The following PTCHD4 variants were observed in gnomAD, a reference collection of about 807,000 sequenced individuals.
PTCHD4 encodes patched domain containing 4.
Under a neutral mutation model 58.1 loss-of-function variants are expected in PTCHD4, and 33 were observed. The ratio of observed to expected loss-of-function variants is 0.57; its 90% CI spans 0.43 to 0.76. The LOEUF (loss-of-function observed/expected upper bound fraction) is 0.76, where lower values mean the gene tolerates loss of function less well. Among genes scored for constraint, PTCHD4 ranks in the 30% least tolerant of loss-of-function variants. PTCHD4 has a pLI of 0.00. For missense variants in PTCHD4, 1,058 were observed against 1,027.1 expected (o/e 1.03, Z -0.41); for synonymous variants, 478 against 409.6 (o/e 1.17, Z -2.02).
At chr6:47,919,029 G>A (rs561627209) in intron 4 of PTCHD4, among the ~76,000 whole-genome samples, 1 of 152,248 alleles carries the variant, frequency 6.6e-6, no homozygotes, top group Non-Finnish European at 1.5e-5. Flanking sequence ...AGGTTGAAGA[G>A]ATCTGGGAGT....
chr6:47,914,891 T>G (rs1765196863), intron 4 of PTCHD4, among the ~76,000 whole-genome samples: 1 of 151,982 alleles, frequency 6.6e-6, no homozygotes, highest in African/African-American at 2.4e-5. Flanking sequence ...GTGAGTACTG[T>G]GTAAATCAGT....
intron 4 of PTCHD4, chr6:47,901,046 C>T (rs1250934196): frequency 6.7e-6 from 1 of 150,142 alleles, no homozygotes; most frequent in Non-Finnish European, 1.5e-5. Context: ...CCCAGCTACT[C>T]GGGAGGCTGA....
In PTCHD4 at chr6:47,938,781, A is replaced by C. The variant is rs1044599580; in HGVS notation, c.899-58845T>G. On this transcript the variant is annotated intron_variant, in intron 4 of 4. Transcript: ENST00000339488. ...TAACTATAATTTTAGTTTTATTTGGAAATGTCAGGAAAATGAGAGAGGGTC... is the reference window on the plus strand; with the variant it reads ...TAACTATAATTTTAGTTTTATTTGGCAATGTCAGGAAAATGAGAGAGGGTC... Among the ~76,000 whole-genome samples the C allele has an allele frequency of 5.3e-5, 8 of 152,308 alleles. No individual in the cohort carries two copies. The South Asian group carries it at 1.7e-3, about 32-fold the overall frequency.
intron 4 of PTCHD4, among the ~76,000 whole-genome samples, chr6:47,916,582 C>A (rs944579332): frequency 3.3e-5 from 5 of 152,032 alleles, no homozygotes; most frequent in South Asian, 2.1e-4. Context: ...CAGAAGTAGG[C>A]AGCCTTGAAC....
chr6:47,904,344 G>A (rs1399650460), intron 4 of PTCHD4, among the ~76,000 whole-genome samples: 1 of 152,186 alleles, frequency 6.6e-6, no homozygotes, highest in African/African-American at 2.4e-5. Context: ...AGAGCCTGTG[G>A]GCCTAAACCA....
chr6:47,996,092 G>A (rs993430446), intron 4 of PTCHD4, among the ~76,000 whole-genome samples: 11 of 152,008 alleles, frequency 7.2e-5, no homozygotes, highest in South Asian at 4.2e-4. Context: ...TATTTTTTTC[G>A]TTCATAGTAA....
chr6:47,986,524 G>T lies in PTCHD4; in HGVS notation c.898+22110C>A, dbSNP rs1030768599. ...TTCCCTATTGTCAGGACAATATGTT[G>T]GTAGCCTGCCTCCTGAGGTATTAGT... On this transcript the variant is annotated intron_variant, in intron 4 of 4. Coordinates refer to ENST00000339488, the MANE Select transcript of PTCHD4 (RefSeq NM_001384253.1). 3.0e-4 allele frequency among the ~76,000 whole-genome samples: 46 copies of T among 151,996 alleles called. 2 individuals are homozygous for T. The highest frequency in any genetic ancestry group is 4.4e-5 in the Non-Finnish European group (3 of 67,992).
chr6:48,032,446 G>C (rs1763481189), intron 3 of PTCHD4, among the ~76,000 whole-genome samples: 1 of 151,106 alleles, frequency 6.6e-6, no homozygotes, highest in Non-Finnish European at 1.5e-5. Context: ...GCGTGTGTAT[G>C]TGTGTGTGTG....
intron 4 of PTCHD4, among the ~76,000 whole-genome samples, chr6:47,918,499 T>C (rs1765330459): frequency 6.6e-6 from 1 of 151,754 alleles, no homozygotes; most frequent in Non-Finnish European, 1.5e-5. Context: ...CCATTTTCGT[T>C]AAGGTATTCT....
chr6:48,071,321 T>C (rs943470384), intron 1 of PTCHD4, among the ~76,000 whole-genome samples: 4 of 152,200 alleles, frequency 2.6e-5, no homozygotes, highest in Non-Finnish European at 5.9e-5. Flanking sequence ...GATGAACCAC[T>C]CTGACATAAA....
chr6:47,898,402 C>T (rs531970757), intron 4 of PTCHD4, among the ~76,000 whole-genome samples: 2 of 152,208 alleles, frequency 1.3e-5, no homozygotes, highest in South Asian at 4.2e-4. Context: ...TTATTAGACC[C>T]GATCCTGTGC....
chr6:47,929,039 G>A (rs539611785), intron 4 of PTCHD4, among the ~76,000 whole-genome samples: 3 of 148,304 alleles, frequency 2.0e-5, no homozygotes, highest in Non-Finnish European at 4.5e-5. Flanking sequence ...GTTCTAAATA[G>A]AGCTGCATTA....
chr6:48,073,073 C>T (rs1329786027), intron 1 of PTCHD4, among the ~76,000 whole-genome samples: 2 of 152,098 alleles, frequency 1.3e-5, no homozygotes, highest in Non-Finnish European at 2.9e-5. Context: ...TTAATTTTCA[C>T]TAAAACATCA....
Position 47,867,390 on chromosome 6 carries a change from T to G in PTCHD4, c.*10913A>C, listed in dbSNP as rs1197577590. On this transcript the variant is annotated 3_prime_UTR_variant, in exon 5 of 5. Coordinates refer to ENST00000339488, the MANE Select transcript of PTCHD4 (RefSeq NM_001384253.1). ...TGCTCAGTTTTGGGATCCTTGATTT[T>G]AACAGTTAAAATTCAAAAATAGAGA... Among the ~76,000 whole-genome samples the G allele has an allele frequency of 6.6e-6, 1 of 151,830 alleles. No individual in the cohort carries two copies. Among genetic ancestry groups the G allele is most frequent in the African/African-American group, 2.4e-5 (1 of 41,388 alleles).
chr6:48,097,399 AG>A (rs1765496129), intron 1 of PTCHD4, among the ~76,000 whole-genome samples: 1 of 152,196 alleles, frequency 6.6e-6, no homozygotes, highest in Non-Finnish European at 1.5e-5. Flanking sequence ...CTGAAAGACA[AG>A]GAAATTGAAA....
chr6:47,989,121 G>A (rs1768189975), intron 4 of PTCHD4, among the ~76,000 whole-genome samples: 1 of 152,188 alleles, frequency 6.6e-6, no homozygotes. Context: ...TTATGTTTTA[G>A]CAAACAGACT....
intron 4 of PTCHD4, among the ~76,000 whole-genome samples, chr6:48,006,925 T>C (rs959922465): frequency 2.0e-5 from 3 of 152,204 alleles, no homozygotes; most frequent in African/African-American, 7.2e-5. Context: ...CCATTTTATA[T>C]GAGAAAAAAC....
intron 4 of PTCHD4, among the ~76,000 whole-genome samples, chr6:47,928,740 C>A (rs910413933): frequency 6.6e-6 from 1 of 152,146 alleles, no homozygotes; most frequent in Admixed American, 6.5e-5. Context: ...TTTTTGCCCA[C>A]CCATTGTGAG....
intron 4 of PTCHD4, among the ~76,000 whole-genome samples, chr6:47,966,795 T>G (rs1477700407): frequency 1.3e-5 from 2 of 152,206 alleles, no homozygotes; most frequent in Non-Finnish European, 2.9e-5. Flanking sequence ...ATCATGAGGT[T>G]GCAGCAATTC....
Sources: gnomAD v4.1 joint callset for allele counts (sites outside exome capture counted in the v4.1 genomes callset) on GRCh38, gnomAD v4.1.1 for gene constraint, MANE v1.5 for transcripts, NCBI Gene and HGNC (gene_info 2026-07-23, HGNC 2026-07-21) for gene names.